The following KIF7 variants were observed in gnomAD, a reference collection of about 807,000 sequenced individuals.
KIF7 encodes the protein kinesin-like protein KIF7.
Under a neutral mutation model 135.7 loss-of-function variants are expected in KIF7, and 104 were observed. The observed-to-expected ratio is 0.77, with a 90% confidence interval of 0.65 to 0.90. The LOEUF (loss-of-function observed/expected upper bound fraction) is 0.90, where lower values mean the gene tolerates loss of function less well. Ranked by LOEUF, KIF7 falls within the 40% of genes least tolerant of loss-of-function variation. The pLI, the probability that KIF7 is intolerant of heterozygous loss-of-function variation, is 0.00. For synonymous variants in KIF7, 883 were observed against 809.4 expected (o/e 1.09, Z -1.54); for missense variants, 2,005 against 1,839.1 (o/e 1.09, Z -1.65).
At position 89,617,370 on chromosome 15, in the gene KIF7, T is replaced by G. The variant is rs541712603; in HGVS notation, c.*75+659A>C. Among the ~76,000 whole-genome samples, 7 of 152,350 alleles carry G rather than the reference T, an allele frequency of 4.6e-5. No homozygotes were observed. In the East Asian group the frequency reaches 1.2e-3, roughly 25 times the overall value. ...ACATCCTTGACACATTGGCAGAAATTAAGGCTCTTAAACAGAAACTTGAAT... is the reference window on the plus strand; with the variant it reads ...ACATCCTTGACACATTGGCAGAAATGAAGGCTCTTAAACAGAAACTTGAAT... On this transcript the variant is annotated intron_variant and NMD_transcript_variant, in intron 2 of 2. Transcript: ENST00000558928.
chr15:89,632,142 C>T (rs2141999173), intron 14 of KIF7, among the ~76,000 whole-genome samples: 2 of 152,320 alleles, frequency 1.3e-5, no homozygotes, highest in South Asian at 4.1e-4. Flanking sequence ...ACCCTGGATC[C>T]TCCTGGACAT....
intron 18 of KIF7, 85 bp downstream of exon 18, chr15:89,628,891 C>G: frequency 6.2e-7 from 1 of 1,611,682 alleles, no homozygotes; most frequent in Non-Finnish European, 8.5e-7. Context: ...TGAATTGAGC[C>G]AATAAAGGCT....
Position 89,648,762 on chromosome 15 carries a change from G to A in KIF7, c.936C>T (p.Asp312=). Residue 312 remains aspartate (D), a synonymous_variant, in exon 5 of 19, where the codon GAC becomes GAT. Transcript: ENST00000394412. The part of the protein sequence containing the change: ...RDSKITRILK[D]SLGGNAKTVM... Reference sequence around the variant, plus strand: ...CCGTCTTGGCGTTCCCGCCCAGCGAGTCTTTGAGGATCCTGAGGGCGCGAG... The same window carrying A: ...CCGTCTTGGCGTTCCCGCCCAGCGAATCTTTGAGGATCCTGAGGGCGCGAG... The A allele has an allele frequency of 3.9e-6, 6 of 1,534,544 alleles. No individual in the cohort carries two copies. The highest frequency in any genetic ancestry group is 5.2e-6 in the Non-Finnish European group (6 of 1,145,060).
Position 89,647,591 on chromosome 15 carries a change from C to T in KIF7, c.1560+5G>A. On this transcript the variant is annotated splice_donor_5th_base_variant and intron_variant, in intron 6 of 18. Coordinates refer to ENST00000394412, the MANE Select transcript of KIF7 (RefSeq NM_198525.3). ...CTTCCCCGCACTGTGAAGCGGGCGC[C>T]GCACCTGCAGTTTGTACTGCTCCAT... The T allele has an allele frequency of 6.2e-7, 1 of 1,610,192 alleles. No individual in the cohort carries two copies. The highest frequency in any genetic ancestry group is 2.2e-5 in the East Asian group (1 of 44,872).
chr15:89,634,053 C>T (rs953415091), intron 11 of KIF7, among the ~76,000 whole-genome samples, 170 bp from the exon 12 acceptor site: 2 of 152,206 alleles, frequency 1.3e-5, no homozygotes, highest in Non-Finnish European at 2.9e-5. Context: ...AATCCCAGCA[C>T]TTTGAGAGGC....
chr15:89,628,393 T>A lies in KIF7; in HGVS notation c.*26A>T. ...CCTTTCAGCAGGCTCGGAGTCTCCC[T>A]CCAAGGCAGGGTCTGCCCCGAGGGC... On this transcript the variant is annotated 3_prime_UTR_variant, in exon 19 of 19. Coordinates refer to ENST00000394412, the MANE Select transcript of KIF7 (RefSeq NM_198525.3). 1 of 1,585,974 alleles carries A rather than the reference T, an allele frequency of 6.3e-7. No individual in the cohort carries two copies. The highest frequency in any genetic ancestry group is 8.6e-7 in the Non-Finnish European group (1 of 1,166,996).
chr15:89,652,524 G>C (rs1372042574), intron 2 of KIF7, 79 bp downstream of exon 2: 2 of 1,113,762 alleles, frequency 1.8e-6, no homozygotes, highest in Non-Finnish European at 2.5e-6. Flanking sequence ...AGAACAGGCA[G>C]CAAGAGGACA....
intron 1 of KIF7, among the ~76,000 whole-genome samples, chr15:89,619,477 C>T (rs1167274063): frequency 1.3e-5 from 2 of 152,070 alleles, no homozygotes; most frequent in Non-Finnish European, 2.9e-5. Context: ...AATAAGACTT[C>T]TGAAGGTAAT....
At chr15:89,621,951 G>C (rs141672514) in intron 1 of KIF7, among the ~76,000 whole-genome samples, 2 of 147,554 alleles carry the variant, frequency 1.4e-5, no homozygotes, top group Admixed American at 1.4e-4. Flanking sequence ...CCAATCAGTC[G>C]AGTCCTGCCC....
chr15:89,661,189 A>C, the KIF7 span, among the ~76,000 whole-genome samples: 1 of 152,256 alleles, frequency 6.6e-6, no homozygotes. Flanking sequence ...CAAATGACTG[A>C]ATAAATTATG....
At chr15:89,651,230 G>A (rs1437816686) in intron 2 of KIF7, among the ~76,000 whole-genome samples, 2 of 152,186 alleles carry the variant, frequency 1.3e-5, no homozygotes, top group African/African-American at 4.8e-5. Context: ...CTCCCAAGTA[G>A]CTGGGACTAC....
At position 89,629,519 on chromosome 15, in the gene KIF7, C is replaced by G; in HGVS notation, c.3373G>C (p.Glu1125Gln). The part of the protein sequence containing the change: ...HQQQIAFSEL[E>Q]MQLEEQQRLV... ...CTCTGCTGCTCCTCCAGCTGCATCT[C>G]CAGTTCCGAGAAGGCAATCTGCTGC... Residue 1125 changes from glutamate to glutamine, a missense_variant, in exon 17 of 19, where the codon GAG becomes CAG. Transcript: ENST00000394412. 1.2e-6 allele frequency: 2 copies of G among 1,610,954 alleles called. No homozygotes were observed. The highest frequency in any genetic ancestry group is 1.7e-6 in the Non-Finnish European group (2 of 1,180,004).
chr15:89,642,691 T>C (rs1290254381), intron 10 of KIF7, among the ~76,000 whole-genome samples: 1 of 152,242 alleles, frequency 6.6e-6, no homozygotes, highest in Non-Finnish European at 1.5e-5. Flanking sequence ...TGCCTCAGCC[T>C]CCCAAGTAGC....
In KIF7 at chr15:89,620,239, C is replaced by T. The variant is rs1963402551; in HGVS notation, c.181-2044G>A. On this transcript the variant is annotated intron_variant and NMD_transcript_variant, in intron 1 of 2. Transcript: ENST00000558928. The stretch of plus-strand genomic sequence containing the variant: ...TTTATCTTTTTTTGAGACAAGGTCT[C>T]ACTCTGTCACCCAGGCTGGAGTGCA... Among the ~76,000 whole-genome samples, 3 of 152,288 alleles carry T rather than the reference C, an allele frequency of 2.0e-5. No individual in the cohort carries two copies. In the South Asian group the frequency reaches 6.2e-4, roughly 32 times the overall value.
chr15:89,626,869 G>A, downstream of KIF7: 1 of 1,425,508 alleles, frequency 7.0e-7, no homozygotes, highest in South Asian at 1.3e-5. Context: ...GTCTGTTTTT[G>A]TGTGTAACCC....
intron 9 of KIF7, 85 bp downstream of exon 9, chr15:89,645,251 T>C (rs1022860107): frequency 2.6e-5 from 42 of 1,598,624 alleles, no homozygotes; most frequent in Non-Finnish European, 3.5e-5. Context: ...CCAGGGATGG[T>C]GGGTGGGACT....
chr15:89,619,307 C>T (rs1048682024), intron 1 of KIF7, among the ~76,000 whole-genome samples: 1 of 144,152 alleles, frequency 6.9e-6, no homozygotes, highest in Non-Finnish European at 1.5e-5. Context: ...CTCACTGCAA[C>T]CTCCACCTCC....
At chr15:89,630,561 G>T (rs1032931470) in intron 15 of KIF7, 68 bp from the exon 16 acceptor site, 29 of 1,329,306 alleles carry the variant, frequency 2.2e-5, no homozygotes, top group Non-Finnish European at 2.9e-5. Context: ...GGGCAGACAT[G>T]CAACAGCCAA....
At chr15:89,635,350 A>T (rs1963783534) in intron 11 of KIF7, among the ~76,000 whole-genome samples, 1 of 152,264 alleles carries the variant, frequency 6.6e-6, no homozygotes, top group African/African-American at 2.4e-5. Flanking sequence ...GAGCTGAGAG[A>T]AGAAGGCTTC....
Sources: allele counts gnomAD v4.1 joint callset (sites outside exome capture counted in the v4.1 genomes callset), GRCh38; gene constraint gnomAD v4.1.1; transcripts MANE v1.5; gene names NCBI Gene and HGNC (gene_info 2026-07-23, HGNC 2026-07-21).